The following GABRE variants were observed in gnomAD, a reference collection of about 807,000 sequenced individuals.
The protein encoded by GABRE is gamma-aminobutyric acid type A receptor subunit epsilon.
A neutral mutation model predicts 31.0 loss-of-function variants in GABRE; 20 were observed. The ratio of observed to expected loss-of-function variants is 0.64; its 90% confidence interval spans 0.45 to 0.94. The LOEUF (loss-of-function observed/expected upper bound fraction) is 0.94. Among genes scored for constraint, GABRE ranks in the 40% least tolerant of loss-of-function variants. The pLI is 0.00. For synonymous variants in GABRE, 155 were observed against 150.6 expected (o/e 1.03, Z -0.21); for missense variants, 420 against 410.7 (o/e 1.02, Z -0.20).
chrX:151,959,280 C>T, intron 6 of GABRE: 1 of 241,414 alleles, frequency 4.1e-6, no homozygotes, highest in South Asian at 4.3e-5. Context: ...GTGGAATCCA[C>T]CATGAAGCCT....
At chrX:151,962,695 AT>A (rs1338149556) in intron 3 of GABRE, 52 bp from the exon 4 acceptor site, 1 of 1,003,350 alleles carries the variant, frequency 1.0e-6, no homozygotes, top group African/African-American at 1.9e-5. Flanking sequence ...GAAAAAGGAC[AT>A]TCACATGCAA....
intron 6 of GABRE, chrX:151,959,316 C>T (rs1167623005): frequency 8.4e-6 from 2 of 239,338 alleles, no homozygotes; most frequent in Non-Finnish European, 1.6e-5. Flanking sequence ...GCTTTTCAGA[C>T]TTGTTCCTTT....
intron 4 of GABRE, among the ~76,000 whole-genome samples, chrX:151,961,809 AAAC>A (rs1179127124): frequency 1.9e-5 from 2 of 104,907 alleles, no homozygotes; most frequent in South Asian, 4.1e-4. Context: ...ACAAGAGAGA[AAAC>A]AAAACAAAAC....
intron 1 of GABRE, chrX:151,972,406 A>C (rs765650821): frequency 1.3e-6 from 1 of 751,847 alleles, no homozygotes; most frequent in African/African-American, 2.3e-5. Flanking sequence ...AGGAGGAAAA[A>C]TGGAGCCCTG....
At chrX:151,964,305 C>G (rs1343111185) in intron 3 of GABRE, among the ~76,000 whole-genome samples, 1 of 111,924 alleles carries the variant, frequency 8.9e-6, no homozygotes, top group Non-Finnish European at 1.9e-5. Flanking sequence ...TTGACACCCT[C>G]CCTTTACCAG....
intron 3 of GABRE, among the ~76,000 whole-genome samples, chrX:151,968,697 G>T (rs1416633689): frequency 3.6e-5 from 4 of 111,948 alleles, no homozygotes; most frequent in Non-Finnish European, 5.6e-5. Flanking sequence ...CTCTGCAGAT[G>T]CAAGTGATTC....
chrX:151,971,087 T>C, intron 1 of GABRE: 2 of 828,782 alleles, frequency 2.4e-6, no homozygotes, highest in Non-Finnish European at 2.9e-6. Context: ...TTAGTAAGAA[T>C]AATTGAATTA....
rs891878832 is a variant in GABRE, at chrX:151,954,965, C to T, written c.1257G>A (p.Glu419=). The change falls in exon 9 of 9, where the codon GAG becomes GAA. Residue 419 remains glutamate, a synonymous_variant. Transcript: ENST00000370328. ...GCTGCTGGGCTGAGCAAGACGGGCGCTCCTCTCCATCACTTCCCTCAGTGG... is the reference window on the plus strand; with the variant it reads ...GCTGCTGGGCTGAGCAAGACGGGCGTTCCTCTCCATCACTTCCCTCAGTGG... ...IVTTEGSDGE[E]RPSCSAQQPP... 11 of 1,205,502 alleles carry T rather than the reference C, an allele frequency of 9.1e-6. No individual in the cohort carries two copies. The highest frequency in any genetic ancestry group is 1.1e-5 in the Non-Finnish European group (10 of 892,971).
At position 151,955,753 on chromosome X, in the gene GABRE, A is replaced by G; in HGVS notation, c.892T>C (p.Ser298Pro). The part of the protein sequence containing the change: ...SSVTTMLSWV[S>P]FWIKTESAPA... ...GCAGACTCTGTCTTGATCCAAAAGGAAACCCAGGAGAGCATCGTGGTCACG... is the reference window on the plus strand; with the variant it reads ...GCAGACTCTGTCTTGATCCAAAAGGGAACCCAGGAGAGCATCGTGGTCACG... The change falls in exon 7 of 9, where the codon TCC (serine) becomes CCC (proline). Residue 298 changes from serine to proline, a missense_variant. Transcript: ENST00000370328. 1 of 1,212,191 alleles carries G rather than the reference A, an allele frequency of 8.2e-7. No homozygotes were observed. Among genetic ancestry groups the G allele is most frequent in the Non-Finnish European group, 1.1e-6 (1 of 895,609 alleles).
intron 6 of GABRE, chrX:151,958,313 G>A (rs1934240410): frequency 4.6e-6 from 1 of 215,603 alleles, no homozygotes; most frequent in Non-Finnish European, 8.5e-6. Flanking sequence ...GATGGCCAGA[G>A]TAGCAGGCTA....
At chrX:151,959,533 T>C (rs1934286948) in intron 6 of GABRE, 1 of 385,896 alleles carries the variant, frequency 2.6e-6, no homozygotes, top group Non-Finnish European at 5.1e-6. Flanking sequence ...GTCAGAGTTG[T>C]AACCTCGAAA....
intron 1 of GABRE, chrX:151,971,423 T>C (rs1452312310): frequency 4.2e-6 from 1 of 239,569 alleles, no homozygotes; most frequent in African/African-American, 2.8e-5. Context: ...AGAAATCATT[T>C]ATGACACAAT....
At chrX:151,972,053 T>G (rs1319444397) in intron 1 of GABRE, 1 of 751,388 alleles carries the variant, frequency 1.3e-6, no homozygotes, top group African/African-American at 2.3e-5. Context: ...AGGATTTTTT[T>G]AAGCCATAAG....
At chrX:151,969,627 C>A (rs759374370) in intron 3 of GABRE, 42 bp downstream of exon 3, 1 of 1,174,653 alleles carries the variant, frequency 8.5e-7, no homozygotes, top group Non-Finnish European at 1.1e-6. Context: ...CATAGGTCAG[C>A]CCCTGGGCTA....
At chrX:151,972,402 A>G in intron 1 of GABRE, 1 of 753,798 alleles carries the variant, frequency 1.3e-6, no homozygotes, top group African/African-American at 2.3e-5. Flanking sequence ...AGAGAGGAGG[A>G]AAAATGGAGC....
At chrX:151,966,345 CT>C (rs1169696503) in intron 3 of GABRE, among the ~76,000 whole-genome samples, 4 of 111,890 alleles carry the variant, frequency 3.6e-5, no homozygotes, top group Non-Finnish European at 5.6e-5. Flanking sequence ...TGTTCATTGC[CT>C]TTTAATCTCA....
chrX:151,974,594 C>A lies in GABRE; in HGVS notation c.32G>T (p.Gly11Val), dbSNP rs1934842958. ...CCTCGACTGGAGGATCAATAAGATG[C>A]CTAGGAGGACTGGAAGAACTTTGGA... MLSKVLPVLL[G>V]ILLILQSRVE... The change falls in exon 1 of 9, where the codon GGC (glycine) becomes GTC (valine). Residue 11 changes from glycine (G) to valine (V), a missense_variant. Physicochemically the swap from Gly to Val is moderately radical, Grantham distance 109. Transcript: ENST00000370328. 1.7e-6 allele frequency: 2 copies of A among 1,177,698 alleles called. No individual in the cohort carries two copies. Among genetic ancestry groups the A allele is most frequent in the Middle Eastern group, 2.3e-4 (1 of 4,268 alleles).
chrX:151,962,690 A>G, intron 3 of GABRE, 47 bp from the exon 4 acceptor site: 1 of 1,039,272 alleles, frequency 9.6e-7, no homozygotes. Flanking sequence ...GAACAGAAAA[A>G]GGACATTCAC....
intron 3 of GABRE, among the ~76,000 whole-genome samples, chrX:151,968,417 T>G (rs1311804069): frequency 8.9e-6 from 1 of 112,609 alleles, no homozygotes; most frequent in Admixed American, 9.4e-5. Flanking sequence ...GTAGTGTGCC[T>G]GAAGAATCAG....
Sources: gnomAD v4.1 joint callset for allele counts (sites outside exome capture counted in the v4.1 genomes callset) on GRCh38, gnomAD v4.1.1 for gene constraint, MANE v1.5 for transcripts, NCBI Gene and HGNC (gene_info 2026-07-23, HGNC 2026-07-21) for gene names.